The following DNMT3A variants were observed in gnomAD, a reference collection of about 807,000 sequenced individuals.
DNMT3A encodes DNA (cytosine-5)-methyltransferase 3A.
In DNMT3A, 267 loss-of-function variants were observed where a neutral mutation model predicts 117.6. The ratio of observed to expected loss-of-function variants is 2.27; its 90% confidence interval spans 2.05 to 2.51. The LOEUF (loss-of-function observed/expected upper bound fraction) is 2.51, where lower values mean the gene tolerates loss of function less well. Ranked by LOEUF, DNMT3A falls within the 30% of genes most tolerant of loss-of-function variation. The pLI, the probability that DNMT3A is intolerant of heterozygous loss-of-function variation, is 0.00. For synonymous variants in DNMT3A, 432 were observed against 474.8 expected (o/e 0.91, Z 1.17); for missense variants, 1,029 against 1,260.2 (o/e 0.82, Z 2.78).
At position 25,254,031 on chromosome 2, in the gene DNMT3A, C is replaced by T. The variant is rs904534669; in HGVS notation, c.640-5779G>A. Among the ~76,000 whole-genome samples the T allele has an allele frequency of 6.6e-6, 1 of 150,644 alleles. No homozygotes were observed. The highest frequency in any genetic ancestry group is 2.5e-5 in the African/African-American group (1 of 40,788). On this transcript the variant is annotated intron_variant, in intron 6 of 22. Coordinates refer to ENST00000321117, the MANE Select transcript of DNMT3A (RefSeq NM_022552.5). This position sits in a 1 kb window ranked among gnomAD's most constrained non-coding sequence, Gnocchi z 4.7. ...ATGTTGCAGTGAGCCGAGATCATGCCACTGCACTCCAGCCTGGGCAACAGA... is the reference window on the plus strand; with the variant it reads ...ATGTTGCAGTGAGCCGAGATCATGCTACTGCACTCCAGCCTGGGCAACAGA...
rs187954935 is a variant in DNMT3A, at chr2:25,285,621, C to T, written c.178-2910G>A. The stretch of plus-strand genomic sequence containing the variant: ...ACTGGTAAAAGCGAGAAGTCCTCCA[C>T]TGTGCTTGGGGGCTTGGGCTGATGC... On this transcript the variant is annotated intron_variant, in intron 3 of 22. Coordinates refer to ENST00000321117, the MANE Select transcript of DNMT3A (RefSeq NM_022552.5). Among the ~76,000 whole-genome samples the T allele has an allele frequency of 2.6e-5, 4 of 152,354 alleles. No homozygotes were observed. The East Asian group carries it at 7.7e-4, about 29-fold the overall frequency.
intron 6 of DNMT3A, among the ~76,000 whole-genome samples, chr2:25,259,886 C>A (rs1676462037): frequency 6.6e-6 from 1 of 152,204 alleles, no homozygotes; most frequent in Non-Finnish European, 1.5e-5. Context: ...ACAGCAGGAC[C>A]CCTGCCATCT....
chr2:25,278,001 TCACACA>T (rs71397475), intron 4 of DNMT3A, among the ~76,000 whole-genome samples: 115 of 90,556 alleles, frequency 1.3e-3, no homozygotes, highest in Admixed American at 1.8e-3. Flanking sequence ...ACTTGAGTGA[TCACACA>T]CACACACACA....
rs1353712883 is a variant in DNMT3A, at chr2:25,286,077, C to A, written c.178-3366G>T. Among the ~76,000 whole-genome samples the A allele has an allele frequency of 6.6e-6, 1 of 152,256 alleles. No homozygotes were observed. The highest frequency in any genetic ancestry group is 1.5e-5 in the Non-Finnish European group (1 of 68,044). On this transcript the variant is annotated intron_variant, in intron 3 of 22. Transcript: ENST00000321117. This position sits in a 1 kb window ranked among gnomAD's most constrained non-coding sequence, Gnocchi z 4.3. ...CAGACACCTCAGATTGGGGCAGGCT[C>A]TGAGCCCCGCAAAGCTGCTGGAGGC...
chr2:25,290,897 T>C (rs573004847), intron 3 of DNMT3A, among the ~76,000 whole-genome samples: 1 of 152,128 alleles, frequency 6.6e-6, no homozygotes, highest in Non-Finnish European at 1.5e-5. Context: ...GCCCAGCAGA[T>C]GCAGGGGCGA....
At position 25,239,164 on chromosome 2, in the gene DNMT3A, G is replaced by A; in HGVS notation, c.2374C>T (p.Arg792Cys). Residue 792 changes from arginine to cysteine, a missense_variant, in exon 20 of 23, where the codon CGC becomes TGC. Arg to Cys is a radical substitution (Grantham distance 180). Transcript: ENST00000321117. ...CCGGGAAGGTTACCCCAGAAGTAGCGGGCCCTGTGTGCAGCTGACACTTCT... is the reference window on the plus strand; with the variant it reads ...CCGGGAAGGTTACCCCAGAAGTAGCAGGCCCTGTGTGCAGCTGACACTTCT... ...AKEVSAAHRA[R>C]YFWGNLPGMN... 2 of 1,614,086 alleles carry A rather than the reference G, an allele frequency of 1.2e-6. No homozygotes were observed. The highest frequency in any genetic ancestry group is 1.7e-6 in the Non-Finnish European group (2 of 1,180,002).
intron 3 of DNMT3A, among the ~76,000 whole-genome samples, chr2:25,291,208 C>G (rs1482676084): frequency 2.0e-5 from 3 of 152,258 alleles, no homozygotes; most frequent in African/African-American, 7.2e-5. Flanking sequence ...CACCCCTCAA[C>G]CAGCCTGAAT....
At chr2:25,330,049 A>C (rs1487133852) in intron 1 of DNMT3A, among the ~76,000 whole-genome samples, 1 of 152,238 alleles carries the variant, frequency 6.6e-6, no homozygotes, top group Non-Finnish European at 1.5e-5. Flanking sequence ...CCTGTACTAG[A>C]AAACTAACAG....
At chr2:25,244,399 T>A (rs1161481373) in intron 14 of DNMT3A, 61 bp from the exon 15 acceptor site, 3 of 1,564,652 alleles carry the variant, frequency 1.9e-6, no homozygotes, top group Admixed American at 3.8e-5. Flanking sequence ...GGCCAAGGTG[T>A]GCTACCTGGA....
At position 25,337,631 on chromosome 2, in the gene DNMT3A, C is replaced by T. The variant is rs1318702552; in HGVS notation, c.-178+4195G>A. Among the ~76,000 whole-genome samples, 1 of 152,206 alleles carries T rather than the reference C, an allele frequency of 6.6e-6. No homozygotes were observed. The highest frequency in any genetic ancestry group is 2.4e-5 in the African/African-American group (1 of 41,448). On this transcript the variant is annotated intron_variant, in intron 1 of 22. Transcript: ENST00000321117. The surrounding 1 kb of genome is among the most constrained non-coding windows in gnomAD (Gnocchi z 5.0). ...AGTCCTACCCATCCACAGGTGGCGG[C>T]ACACCACGTACACACACATCATGCA...
At chr2:25,289,128 C>T (rs964207065) in intron 3 of DNMT3A, among the ~76,000 whole-genome samples, 2 of 150,350 alleles carry the variant, frequency 1.3e-5, no homozygotes, top group African/African-American at 2.4e-5. Flanking sequence ...TTTTTGAGAC[C>T]GAGTCTCGCT....
intron 19 of DNMT3A, 135 bp downstream of exon 19, chr2:25,240,167 G>A (rs1673808858): frequency 3.1e-6 from 4 of 1,289,578 alleles, no homozygotes; most frequent in East Asian, 2.3e-5. Context: ...AGGAAGCCTG[G>A]GGCTTCCCAA....
chr2:25,326,370 T>A (rs1234846019), intron 1 of DNMT3A, among the ~76,000 whole-genome samples: 1 of 152,202 alleles, frequency 6.6e-6, no homozygotes, highest in Non-Finnish European at 1.5e-5. Flanking sequence ...GAAGGATAAC[T>A]ATCTTGATAG....
intron 6 of DNMT3A, among the ~76,000 whole-genome samples, chr2:25,248,518 G>T (rs771987192): frequency 1.3e-5 from 2 of 151,982 alleles, no homozygotes; most frequent in African/African-American, 4.8e-5. Flanking sequence ...TCAGCATATC[G>T]GTTGCCTACC....
intron 3 of DNMT3A, 33 bp downstream of exon 3, chr2:25,300,106 T>C (rs1395072346): frequency 6.2e-7 from 1 of 1,606,644 alleles, no homozygotes. Flanking sequence ...GTTGTGTGTG[T>C]GCACAGGAGG....
intron 6 of DNMT3A, among the ~76,000 whole-genome samples, chr2:25,265,413 C>T (rs1036999410): frequency 2.6e-5 from 4 of 152,220 alleles, no homozygotes; most frequent in Non-Finnish European, 4.4e-5. Context: ...AGAAGCAACA[C>T]GAGATTTGGA....
chr2:25,250,868 G>A (rs1275061086), intron 6 of DNMT3A, among the ~76,000 whole-genome samples: 1 of 152,212 alleles, frequency 6.6e-6, no homozygotes, highest in Non-Finnish European at 1.5e-5. Flanking sequence ...AGCGGCAGCA[G>A]CAGGTGGGCT....
At chr2:25,264,132 G>GTTTTTTTTTTTTTTTTTTTTTTTTTTTTT (rs1175186554) in intron 6 of DNMT3A, among the ~76,000 whole-genome samples, 2 of 73,740 alleles carry the variant, frequency 2.7e-5, no homozygotes, top group Non-Finnish European at 4.7e-5. Flanking sequence ...CAACCCTTTG[G>GTTTTTTTTTTTTTTTTTTTTTTTTTTTTT]TTTTTTTTTT....
At chr2:25,242,337 T>TC (rs1381729722) in intron 16 of DNMT3A, among the ~76,000 whole-genome samples, 1 of 151,432 alleles carries the variant, frequency 6.6e-6, no homozygotes, top group Non-Finnish European at 1.5e-5. Context: ...CCACGATCCC[T>TC]CCCCCTCCAG....
Sources: gnomAD v4.1 joint callset for allele counts (sites outside exome capture counted in the v4.1 genomes callset) on GRCh38, gnomAD v4.1.1 for gene constraint, Gnocchi (gnomAD v3.1) non-coding constraint, MANE v1.5 for transcripts, NCBI Gene and HGNC (gene_info 2026-07-23, HGNC 2026-07-21) for gene names.